The following ZNF823 variants were observed in gnomAD, a reference collection of about 807,000 sequenced individuals.
ZNF823 encodes ZFP 36 for a zinc finger protein.
In ZNF823, 5 loss-of-function variants were observed where a neutral mutation model predicts 11.4. The ratio of observed to expected loss-of-function variants is 0.44; its 90% CI spans 0.23 to 0.92. The LOEUF is 0.92. Among genes scored for constraint, ZNF823 ranks in the 40% least tolerant of loss-of-function variants. ZNF823 has a pLI of 0.24. For missense variants in ZNF823, 582 were observed against 738.5 expected (o/e 0.79, Z 2.46); for synonymous variants, 234 against 250.5 (o/e 0.93, Z 0.62).
chr19:11,735,600 G>A (rs1349661361), intron 1 of ZNF823, among the ~76,000 whole-genome samples: 2 of 152,098 alleles, frequency 1.3e-5, no homozygotes, highest in African/African-American at 4.8e-5. Flanking sequence ...AGGTTCCCCA[G>A]GAAGAACCAA....
intron 1 of ZNF823, among the ~76,000 whole-genome samples, chr19:11,734,303 G>A (rs1974954319): frequency 6.6e-6 from 1 of 151,754 alleles, no homozygotes; most frequent in Non-Finnish European, 1.5e-5. Flanking sequence ...TAAGTCCTGT[G>A]TGTTCTGAAC....
Position 11,738,920 on chromosome 19 carries a change from G to T in ZNF823, c.-101C>A. 4 of 1,455,726 alleles carry T rather than the reference G, an allele frequency of 2.7e-6. No individual in the cohort carries two copies. Among genetic ancestry groups the T allele is most frequent in the Non-Finnish European group, 3.7e-6 (4 of 1,086,030 alleles). 90.2% of individuals were successfully genotyped at this position (1,455,726 alleles called of 1,614,324 possible). ...CCTTCCAGGGCGTCTCTCTCTCAGC[G>T]CCAGAGCCAGGACTCAGAGCGCAGG... On this transcript the variant is annotated 5_prime_UTR_variant, in exon 1 of 4. Transcript: ENST00000341191.
At chr19:11,729,644 C>A (rs1157459545) in intron 1 of ZNF823, among the ~76,000 whole-genome samples, 1 of 152,138 alleles carries the variant, frequency 6.6e-6, no homozygotes, top group Non-Finnish European at 1.5e-5. Flanking sequence ...GACCAATATA[C>A]CTGAATCTAA....
intron 3 of ZNF823, 48 bp downstream of exon 3, chr19:11,724,146 C>T: frequency 6.8e-7 from 1 of 1,473,024 alleles, no homozygotes; most frequent in Non-Finnish European, 9.2e-7. Flanking sequence ...TCTTATCATT[C>T]TATGAACCAC....
At position 11,721,429 on chromosome 19, in the gene ZNF823, T is replaced by A; in HGVS notation, c.*272A>T. 5.8e-6 allele frequency: 2 copies of A among 344,780 alleles called. No homozygotes were observed. The highest frequency in any genetic ancestry group is 1.0e-5 in the Non-Finnish European group (2 of 191,626). 21.4% of individuals were successfully genotyped at this position (344,780 alleles called of 1,614,324 possible). ...CATAGCTTTTACAATGCATGAGGTA[T>A]TAAAAGTCATCTAGAGATGATTTAC... On this transcript the variant is annotated 3_prime_UTR_variant, in exon 4 of 4. Transcript: ENST00000341191.
rs73500550 is a variant in ZNF823 at position 11,736,201 on chromosome 19, C to T, written c.3+2616G>A. The stretch of plus-strand genomic sequence containing the variant: ...TGTTCACTGCTAGGCCCTGAAATTC[C>T]GTTTGAAATCATCCAATAAAAAAAC... On this transcript the variant is annotated intron_variant, in intron 1 of 3. Transcript: ENST00000341191. Among the ~76,000 whole-genome samples, 1,084 of 152,186 alleles carry T rather than the reference C, an allele frequency of 7.1e-3. 15 individuals are homozygous for T. The highest frequency in any genetic ancestry group is 0.025 in the African/African-American group (1,044 of 41,528).
intron 1 of ZNF823, among the ~76,000 whole-genome samples, chr19:11,737,345 C>T (rs1975009805): frequency 1.3e-5 from 2 of 152,242 alleles, no homozygotes; most frequent in South Asian, 2.1e-4. Flanking sequence ...CTCACCGCAA[C>T]CTCCGCCTAC....
At chr19:11,736,384 T>G (rs1974992782) in intron 1 of ZNF823, among the ~76,000 whole-genome samples, 1 of 152,114 alleles carries the variant, frequency 6.6e-6, no homozygotes, top group South Asian at 2.1e-4. Context: ...CTGGGCATGG[T>G]AGCATACGTC....
At chr19:11,738,440 C>T (rs951826435) in intron 1 of ZNF823, among the ~76,000 whole-genome samples, 70 of 152,220 alleles carry the variant, frequency 4.6e-4, no homozygotes, top group African/African-American at 1.6e-3. Flanking sequence ...CTGGGGTGTC[C>T]TCCCCTCTCC....
intron 1 of ZNF823, among the ~76,000 whole-genome samples, chr19:11,737,270 T>C (rs978555296): frequency 5.3e-5 from 8 of 152,178 alleles, no homozygotes; most frequent in Non-Finnish European, 1.0e-4. Context: ...TTTTTTCTTT[T>C]TCTTTTTTCT....
rs1359663426 is a variant in ZNF823 at position 11,721,322 on chromosome 19, CA to C, written c.*378del. ...GACATATACCACGTAGGTGGGCCTG[CA>C]ATGGTTGTGTCTGCATCGAACATGT... On this transcript the variant is annotated 3_prime_UTR_variant, in exon 4 of 4. Transcript: ENST00000341191. 1.2e-5 allele frequency: 2 copies of C among 167,124 alleles called. No homozygotes were observed. Among genetic ancestry groups the C allele is most frequent in the African/African-American group, 4.8e-5 (2 of 41,796 alleles). 10.4% of individuals were successfully genotyped at this position (167,124 alleles called of 1,614,324 possible).
At position 11,723,295 on chromosome 19, in the gene ZNF823, A is replaced by C; in HGVS notation, c.239T>G (p.Phe80Cys). 1 of 1,613,656 alleles carries C rather than the reference A, an allele frequency of 6.2e-7. No homozygotes were observed. Among genetic ancestry groups the C allele is most frequent in the Non-Finnish European group, 8.5e-7 (1 of 1,179,782 alleles). The change falls in exon 4 of 4, where the codon TTT becomes TGT. Residue 80 changes from phenylalanine to cysteine, a missense_variant. Phe to Cys is a radical substitution (Grantham distance 205, BLOSUM62 -2). Around this residue, in one of 3 missense-constraint regions of ZNF823, gnomAD observed 429 missense variants for 553.7 expected, o/e 0.77. Transcript: ENST00000341191. ...CACAATACTATCTGGAATCTGGCCA[A>C]AAGTTTCTCCACATTGACTGTCATC... ...IKDDSQCGET[F>C]GQIPDSIVNK...
intron 1 of ZNF823, among the ~76,000 whole-genome samples, chr19:11,737,030 G>A (rs959883429): frequency 1.2e-4 from 18 of 152,164 alleles, no homozygotes; most frequent in African/African-American, 3.6e-4. Flanking sequence ...ACCTCTGGCT[G>A]TCCTCTGGGA....
chr19:11,722,872 T>A lies in ZNF823; in HGVS notation c.662A>T (p.Glu221Val). 1 of 1,614,192 alleles carries A rather than the reference T, an allele frequency of 6.2e-7. No individual in the cohort carries two copies. The highest frequency in any genetic ancestry group is 1.3e-5 in the African/African-American group (1 of 75,052). Residue 221 changes from glutamate (E) to valine (V), a missense_variant, in exon 4 of 4, where the codon GAA (glutamate) becomes GTA (valine). Transcript: ENST00000341191. The surrounding 1 kb of genome is among the most constrained non-coding windows in gnomAD (Gnocchi z 5.2). ...ERTHTGEKPY[E>V]CKQCSKAFPF... ...AAAGGCTTTAGAACACTGCTTACAT[T>A]CATACGGTTTCTCTCCAGTGTGTGT...
intron 1 of ZNF823, among the ~76,000 whole-genome samples, chr19:11,731,808 G>A (rs1297705831): frequency 1.3e-5 from 2 of 152,130 alleles, no homozygotes; most frequent in African/African-American, 2.4e-5. Flanking sequence ...TCAGGAGTTC[G>A]AGACCTGCCT....
chr19:11,729,043 T>A (rs968842837), intron 1 of ZNF823, among the ~76,000 whole-genome samples: 2 of 151,848 alleles, frequency 1.3e-5, no homozygotes, highest in African/African-American at 4.8e-5. Context: ...GGCGTGGCAG[T>A]GCATGCCTGT....
At chr19:11,730,486 G>A (rs986048447) in intron 1 of ZNF823, 1 of 152,152 alleles carries the variant, frequency 6.6e-6, no homozygotes, top group Non-Finnish European at 1.5e-5. Context: ...AAGGCAGGAG[G>A]ATTGTTTGAG....
chr19:11,728,396 T>C (rs1404543533), intron 1 of ZNF823, among the ~76,000 whole-genome samples: 1 of 152,204 alleles, frequency 6.6e-6, no homozygotes, highest in Non-Finnish European at 1.5e-5. Context: ...AGGTATATTA[T>C]GGCATACTTT....
rs1477143851 is a variant in ZNF823, at chr19:11,723,358, AAT to A, written c.192-18_192-17del. 6.4e-7 allele frequency: 1 copy of A among 1,553,958 alleles called. No individual in the cohort carries two copies. On this transcript the variant is annotated splice_polypyrimidine_tract_variant and intron_variant, in intron 3 of 3. Coordinates refer to ENST00000341191, the MANE Select transcript of ZNF823 (RefSeq NM_001080493.4). The stretch of plus-strand genomic sequence containing the variant: ...TGTATGACTTCTGTAACAAATAAGA[AAT>A]ATATTACTAAAGGTTTGTTTATAAG...
Sources: allele counts gnomAD v4.1 joint callset (sites outside exome capture counted in the v4.1 genomes callset), GRCh38; gene constraint gnomAD v4.1.1; regional missense constraint gnomAD v4.1.1; non-coding constraint Gnocchi (gnomAD v3.1); transcripts MANE v1.5; gene names NCBI Gene and HGNC (gene_info 2026-07-23, HGNC 2026-07-21).